Variants in RAB30 observed in about 807,000 individuals in gnomAD.
RAB30 encodes the protein RAB30, member RAS oncogene family, also known as ras-related protein Rab-30.
In RAB30, 9 loss-of-function variants were observed where a neutral mutation model predicts 25.1. The observed-to-expected ratio is 0.36, with a 90% CI of 0.22 to 0.63. The LOEUF is 0.63. RAB30 is among the 20% of genes least tolerant of loss of function. The pLI is 0.69. For missense variants in RAB30, 140 were observed against 243.5 expected, an observed-to-expected ratio of 0.58 and a Z score of 2.83; for synonymous variants, 77 against 86.4, an observed-to-expected ratio of 0.89 and a Z score of 0.60.
chr11:83,023,514 G>A lies in RAB30; in HGVS notation c.-8-26190C>T, dbSNP rs145779068. 4.1e-3 allele frequency among the ~76,000 whole-genome samples: 624 copies of A among 152,136 alleles called. 6 individuals are homozygous for A. The highest frequency in any genetic ancestry group is 0.014 in the African/African-American group (588 of 41,490). On this transcript the variant is annotated intron_variant, in intron 1 of 4. Transcript: ENST00000527633. The stretch of plus-strand genomic sequence containing the variant: ...ACCAGTCTCCTCCTCTCTTCTACTC[G>A]TGCTACTGCCGTGGGTCAGACTTCA...
rs994284366 is a variant in RAB30, at chr11:82,980,877, TAGAG to T, written c.*1284_*1287del. On this transcript the variant is annotated 3_prime_UTR_variant, in exon 5 of 5. Coordinates refer to ENST00000527633, the MANE Select transcript of RAB30 (RefSeq NM_001286060.2). ...AGAAGAAAAGGAGAGACCAGAAAAA[TAGAG>T]AGGAAAAGAGAAAGAAAAAAGAAAG... 9.3e-5 allele frequency: 14 copies of T among 150,180 alleles called. No individual in the cohort carries two copies. The highest frequency in any genetic ancestry group is 2.9e-4 in the African/African-American group (12 of 40,752). The allele number at this position is 150,180 out of a possible 1,614,324, so 9.3% of individuals were successfully genotyped here. A position where few individuals can be genotyped will look rare whatever the true frequency, so the allele number is the denominator to read the frequency against.
At chr11:83,056,054 A>G (rs189974499) in intron 1 of RAB30, among the ~76,000 whole-genome samples, 111 of 152,358 alleles carry the variant, frequency 7.3e-4, no homozygotes, top group African/African-American at 2.6e-3. Context: ...AAAATTTACC[A>G]TCTTAACAAT....
Position 83,042,141 on chromosome 11 carries a change from C to T in RAB30, c.-9+29550G>A, listed in dbSNP as rs534600079. On this transcript the variant is annotated intron_variant, in intron 1 of 4. Transcript: ENST00000527633. ...ACTATATATTCCTTCAGGCAGGGAA[C>T]ACGCCTTACCATTCTTTTAGATCCC... Among the ~76,000 whole-genome samples, 3 of 152,036 alleles carry T rather than the reference C, an allele frequency of 2.0e-5. No homozygotes were observed. In the South Asian group the frequency reaches 6.2e-4, roughly 32 times the overall value.
intron 1 of RAB30, among the ~76,000 whole-genome samples, chr11:83,065,105 T>C (rs1245114213): frequency 6.6e-6 from 1 of 152,148 alleles, no homozygotes; most frequent in Non-Finnish European, 1.5e-5. Flanking sequence ...TTTTTTTTTC[T>C]TTTAATAGAG....
In RAB30 at chr11:82,977,404, G is replaced by A. The variant is rs1469139491; in HGVS notation, c.*4761C>T. 6.6e-6 allele frequency: 1 copy of A among 152,178 alleles called. No individual in the cohort carries two copies. Among genetic ancestry groups the A allele is most frequent in the Non-Finnish European group, 1.5e-5 (1 of 68,034 alleles). The allele number at this position is 152,178 out of a possible 1,614,324, so 9.4% of individuals were successfully genotyped here. ...ACAGATATTTAATTGAACATGTTAT[G>A]AGAGGCAAAGTACTACATACAACAT... On this transcript the variant is annotated 3_prime_UTR_variant, in exon 5 of 5. Transcript: ENST00000527633.
intron 1 of RAB30, among the ~76,000 whole-genome samples, chr11:83,067,456 C>T (rs1176797850): frequency 6.6e-6 from 1 of 152,116 alleles, no homozygotes; most frequent in East Asian, 1.9e-4. Context: ...TCCATCATGC[C>T]ACATCCTACA....
At chr11:83,044,199 AG>A (rs1332963966) in intron 1 of RAB30, among the ~76,000 whole-genome samples, 1 of 152,242 alleles carries the variant, frequency 6.6e-6, no homozygotes, top group Non-Finnish European at 1.5e-5. Flanking sequence ...GCAAATGAGA[AG>A]GGTATCTTGT....
chr11:82,992,426 A>G, intron 3 of RAB30: 1 of 455,448 alleles, frequency 2.2e-6, no homozygotes, highest in Non-Finnish European at 4.4e-6. Flanking sequence ...ACACTGAGAG[A>G]GCTTCTGGCC....
chr11:83,041,217 A>C (rs1858106320), intron 1 of RAB30: 1 of 153,752 alleles, frequency 6.5e-6, no homozygotes, highest in South Asian at 2.0e-4. Flanking sequence ...AATCATCTGC[A>C]TCGAACTTTG....
chr11:83,031,122 C>A (rs1857847337), intron 1 of RAB30, among the ~76,000 whole-genome samples: 1 of 152,204 alleles, frequency 6.6e-6, no homozygotes, highest in Non-Finnish European at 1.5e-5. Context: ...GGAAACCAAT[C>A]CTGCCAGCAC....
chr11:83,022,390 C>A (rs915602319), intron 1 of RAB30, among the ~76,000 whole-genome samples: 1 of 152,088 alleles, frequency 6.6e-6, no homozygotes, highest in African/African-American at 2.4e-5. Context: ...AACTCCTGGC[C>A]TCAAGTGATC....
chr11:82,997,414 A>G (rs1590842017), intron 1 of RAB30, 90 bp from the exon 2 acceptor site: 2 of 893,730 alleles, frequency 2.2e-6, no homozygotes, highest in Non-Finnish European at 3.6e-6. Flanking sequence ...CCGGGGGAAC[A>G]GGTCTGACTC....
chr11:83,019,339 T>TA (rs1555035848), intron 1 of RAB30, among the ~76,000 whole-genome samples: 1 of 152,168 alleles, frequency 6.6e-6, no homozygotes, highest in Non-Finnish European at 1.5e-5. Flanking sequence ...AGGTTTTTTT[T>TA]AAAAAATAAC....
At chr11:82,986,914 T>C (rs1331573156) in intron 4 of RAB30, 8 of 152,224 alleles carry the variant, frequency 5.3e-5, no homozygotes, top group African/African-American at 1.9e-4. Flanking sequence ...TGCTAGACTA[T>C]ATAGGAACGT....
chr11:83,004,580 T>G (rs1857148135), intron 1 of RAB30, among the ~76,000 whole-genome samples: 1 of 152,196 alleles, frequency 6.6e-6, no homozygotes. Flanking sequence ...GAAGGCATCA[T>G]AGGGGTTCTT....
At chr11:83,026,902 C>T (rs1427529178) in intron 1 of RAB30, among the ~76,000 whole-genome samples, 1 of 152,102 alleles carries the variant, frequency 6.6e-6, no homozygotes, top group Non-Finnish European at 1.5e-5. Context: ...TAGTAATTGA[C>T]TTAGCATACT....
intron 4 of RAB30, 131 bp downstream of exon 4, chr11:82,987,456 A>G (rs1856758591): frequency 1.1e-6 from 1 of 879,578 alleles, no homozygotes; most frequent in African/African-American, 1.7e-5. Flanking sequence ...TTGCAGAAGA[A>G]CTGAAGGTTG....
intron 1 of RAB30, among the ~76,000 whole-genome samples, chr11:83,034,961 A>G (rs1195722626): frequency 6.6e-6 from 1 of 151,982 alleles, no homozygotes; most frequent in Non-Finnish European, 1.5e-5. Context: ...GAAAAGAAAT[A>G]CTAAACTCAA....
At chr11:83,002,086 C>G (rs769897325) in intron 1 of RAB30, among the ~76,000 whole-genome samples, 4 of 152,206 alleles carry the variant, frequency 2.6e-5, no homozygotes, top group Non-Finnish European at 5.9e-5. Context: ...CTAGATCCAT[C>G]TGACCCCAAA....
Sources: allele counts gnomAD v4.1 joint callset (sites outside exome capture counted in the v4.1 genomes callset), GRCh38; gene constraint gnomAD v4.1.1; transcripts MANE v1.5; gene names NCBI Gene and HGNC (gene_info 2026-07-23, HGNC 2026-07-21).